DLGAP2: variants seen among roughly 807,000 people sequenced by gnomAD.
The protein encoded by DLGAP2 is disks large-associated protein 2.
In DLGAP2, 26 loss-of-function variants were observed where a neutral mutation model predicts 100.3. That is an observed-to-expected ratio of 0.26 (90% confidence interval 0.19 to 0.36). DLGAP2 has a LOEUF of 0.36. Ranked by LOEUF, DLGAP2 falls within the 10% of genes least tolerant of loss-of-function variation. The pLI is 1.00. For missense variants in DLGAP2, 1,858 were observed against 1,453.2 expected, an observed-to-expected ratio of 1.28 and a Z score of -4.53; for synonymous variants, 886 against 630.1, an observed-to-expected ratio of 1.41 and a Z score of -6.08.
chr8:1,501,569 A>G (rs1799724972), intron 4 of DLGAP2, 138 bp downstream of exon 4: 5 of 850,018 alleles, frequency 5.9e-6, no homozygotes, highest in South Asian at 5.3e-5. Context: ...ACTAAGTACA[A>G]TGCGGCACTT....
At chr8:1,472,259 G>A (rs1798824492) in intron 3 of DLGAP2, among the ~76,000 whole-genome samples, 1 of 152,230 alleles carries the variant, frequency 6.6e-6, no homozygotes, top group South Asian at 2.1e-4. Context: ...ATGCGGTAGA[G>A]CGGCTGTGCA....
At chr8:1,054,642 G>C (rs1585018113) in intron 2 of DLGAP2, among the ~76,000 whole-genome samples, 1 of 152,160 alleles carries the variant, frequency 6.6e-6, no homozygotes, top group Non-Finnish European at 1.5e-5. Context: ...ACCTAGGAAT[G>C]ATCAGATAAC....
chr8:1,586,226 C>T (rs962899125), intron 6 of DLGAP2, among the ~76,000 whole-genome samples: 4 of 152,192 alleles, frequency 2.6e-5, no homozygotes, highest in South Asian at 2.1e-4. Context: ...CCCTTCTTTC[C>T]GGGGATCTGC....
chr8:1,163,767 C>T (rs890346772), intron 2 of DLGAP2, among the ~76,000 whole-genome samples: 2 of 152,220 alleles, frequency 1.3e-5, no homozygotes, highest in Admixed American at 6.5e-5. Context: ...CAGGACTTTC[C>T]TGCCTTCTGT....
intron 2 of DLGAP2, among the ~76,000 whole-genome samples, chr8:1,231,863 C>G (rs965559002): frequency 6.6e-6 from 1 of 152,116 alleles, no homozygotes. Flanking sequence ...TACTCTGTAG[C>G]TGGGTGACAA....
chr8:1,638,497 C>G (rs563778830), intron 8 of DLGAP2, among the ~76,000 whole-genome samples: 2 of 152,184 alleles, frequency 1.3e-5, no homozygotes, highest in African/African-American at 4.8e-5. Flanking sequence ...AGGACTAACA[C>G]GGGGGCCAGA....
intron 1 of DLGAP2, among the ~76,000 whole-genome samples, chr8:860,769 G>A (rs1392229801): frequency 1.3e-5 from 2 of 152,192 alleles, no homozygotes; most frequent in Admixed American, 1.3e-4. Flanking sequence ...ATGGAGACAC[G>A]GCAGGTAGCG....
chr8:1,643,238 G>C (rs368553191), intron 8 of DLGAP2, among the ~76,000 whole-genome samples: 1 of 12,024 alleles, frequency 8.3e-5, no homozygotes. Flanking sequence ...GTGTCACCCT[G>C]GAACCCGCCA....
In DLGAP2 at chr8:1,421,110, T is replaced by C. The variant is rs143652622; in HGVS notation, c.107-80256T>C. On this transcript the variant is annotated intron_variant, in intron 3 of 14. Coordinates refer to ENST00000637795, the MANE Select transcript of DLGAP2 (RefSeq NM_001346810.2). ...AAGTCACTAGTAGAAAATAGTAAAATAACTTATCCAAAGTATGTTTTTCAG... is the reference window on the plus strand; with the variant it reads ...AAGTCACTAGTAGAAAATAGTAAAACAACTTATCCAAAGTATGTTTTTCAG... Among the ~76,000 whole-genome samples, 584 of 152,260 alleles carry C rather than the reference T, an allele frequency of 3.8e-3. 4 individuals are homozygous for C. Among genetic ancestry groups the C allele is most frequent in the African/African-American group, 0.013 (538 of 41,552 alleles).
intron 4 of DLGAP2, among the ~76,000 whole-genome samples, chr8:1,539,380 C>T (rs1801274152): frequency 6.6e-6 from 1 of 152,156 alleles, no homozygotes; most frequent in Admixed American, 6.5e-5. Flanking sequence ...AAACAGGTTA[C>T]CACGTGGTTA....
At chr8:1,006,267 G>A (rs1563140063) in intron 2 of DLGAP2, among the ~76,000 whole-genome samples, 1 of 152,202 alleles carries the variant, frequency 6.6e-6, no homozygotes, top group Non-Finnish European at 1.5e-5. Context: ...TGCTTCTGGG[G>A]AGGATTGTGC....
chr8:1,327,160 A>T (rs1455670818), intron 3 of DLGAP2, among the ~76,000 whole-genome samples: 1 of 152,214 alleles, frequency 6.6e-6, no homozygotes, highest in East Asian at 1.9e-4. Flanking sequence ...TACAGTTCCG[A>T]GGCGTCTCAC....
chr8:1,443,205 T>C (rs114070919), intron 3 of DLGAP2, among the ~76,000 whole-genome samples: 2,060 of 152,240 alleles, frequency 0.014, 47 homozygotes, highest in African/African-American at 0.046. Flanking sequence ...TATTGACATA[T>C]AATCCCAGCG....
Position 1,682,996 on chromosome 8 carries a change from A to T in DLGAP2, c.2704+4367A>T, listed in dbSNP as rs138634002. The stretch of plus-strand genomic sequence containing the variant: ...TCTGGACTCTCTCAGTGATGTCTAC[A>T]TTCCATAGATATTTATTGATTACTT... On this transcript the variant is annotated intron_variant, in intron 12 of 14. Transcript: ENST00000637795. Among the ~76,000 whole-genome samples the T allele has an allele frequency of 2.6e-4, 39 of 151,550 alleles. 1 individual carries two copies. The highest frequency in any genetic ancestry group is 5.9e-4 in the Admixed American group (9 of 15,220).
chr8:769,679 A>G (rs1821306048), intron 1 of DLGAP2, among the ~76,000 whole-genome samples: 2 of 152,026 alleles, frequency 1.3e-5, no homozygotes, highest in Admixed American at 1.3e-4. Context: ...CACATCCTAG[A>G]CGGTAGCTTG....
At chr8:1,338,597 G>C (rs748109855) in intron 3 of DLGAP2, among the ~76,000 whole-genome samples, 1 of 152,216 alleles carries the variant, frequency 6.6e-6, no homozygotes, top group Non-Finnish European at 1.5e-5. Flanking sequence ...AAACCACCAA[G>C]TTGTAAACCT....
intron 6 of DLGAP2, among the ~76,000 whole-genome samples, chr8:1,570,272 G>A (rs61435735): frequency 0.016 from 2,395 of 152,280 alleles, 80 homozygotes; most frequent in African/African-American, 0.053. Flanking sequence ...GAACGACTTG[G>A]GTTTCACCCA....
At chr8:1,487,586 G>C (rs1186649444) in intron 3 of DLGAP2, among the ~76,000 whole-genome samples, 1 of 152,222 alleles carries the variant, frequency 6.6e-6, no homozygotes, top group Non-Finnish European at 1.5e-5. Context: ...TGCCCTGTGA[G>C]GTTGTCCGTC....
chr8:1,475,875 T>C (rs1798918061), intron 3 of DLGAP2, among the ~76,000 whole-genome samples: 2 of 152,196 alleles, frequency 1.3e-5, no homozygotes, highest in Admixed American at 1.3e-4. Context: ...CTTGTTTTTT[T>C]CTCTCCCCTA....
Sources: allele counts gnomAD v4.1 joint callset (sites outside exome capture counted in the v4.1 genomes callset), GRCh38; gene constraint gnomAD v4.1.1; transcripts MANE v1.5; gene names NCBI Gene and HGNC (gene_info 2026-07-23, HGNC 2026-07-21).